LMBR1: variants seen among roughly 807,000 people sequenced by gnomAD.
The protein encoded by LMBR1 is limb development membrane protein 1.
Under a neutral mutation model 73.9 loss-of-function variants are expected in LMBR1, and 52 were observed. That is an observed-to-expected ratio of 0.70 (90% confidence interval 0.56 to 0.89). The LOEUF (loss-of-function observed/expected upper bound fraction) is 0.89. Among genes scored for constraint, LMBR1 ranks in the 40% least tolerant of loss-of-function variants. LMBR1 has a pLI of 0.00. For missense variants in LMBR1, 539 were observed against 579.8 expected (o/e 0.93, Z 0.72); for synonymous variants, 215 against 209.4 (o/e 1.03, Z -0.23).
intron 12 of LMBR1, 36 bp from the exon 13 acceptor site, chr7:156,725,873 G>A: frequency 1.3e-6 from 2 of 1,514,452 alleles, no homozygotes; most frequent in Non-Finnish European, 1.8e-6. Context: ...AGAATTTGAT[G>A]ACACCATTAT....
intron 5 of LMBR1, among the ~76,000 whole-genome samples, chr7:156,772,608 G>A (rs1825404900): frequency 6.6e-6 from 1 of 152,186 alleles, no homozygotes; most frequent in South Asian, 2.1e-4. Context: ...AACACTTTGG[G>A]AGGCCGAGCT....
chr7:156,728,013 A>G lies in LMBR1; in HGVS notation c.916-6T>C. The G allele has an allele frequency of 6.2e-7, 1 of 1,609,294 alleles. No homozygotes were observed. The highest frequency in any genetic ancestry group is 8.5e-7 in the Non-Finnish European group (1 of 1,176,572). On this transcript the variant is annotated splice_region_variant and splice_polypyrimidine_tract_variant and intron_variant, in intron 11 of 16. Transcript: ENST00000353442. ...ACCAAGAGGACCGAGATGGACTACAAGACAAACAGCAAACTGTCAGCTCTC... is the reference window on the plus strand; with the variant it reads ...ACCAAGAGGACCGAGATGGACTACAGGACAAACAGCAAACTGTCAGCTCTC...
intron 9 of LMBR1, among the ~76,000 whole-genome samples, chr7:156,755,075 G>C (rs1224876664): frequency 6.6e-6 from 1 of 152,156 alleles, no homozygotes; most frequent in Non-Finnish European, 1.5e-5. Context: ...ATTATACTTA[G>C]CATTAGTTAT....
intron 15 of LMBR1, among the ~76,000 whole-genome samples, chr7:156,690,928 T>C (rs984969632): frequency 1.3e-5 from 2 of 152,170 alleles, no homozygotes; most frequent in Admixed American, 6.5e-5. Flanking sequence ...ATAATTAGAT[T>C]ATAAAATGTA....
chr7:156,819,410 A>G (rs1834406852), intron 4 of LMBR1, among the ~76,000 whole-genome samples: 2 of 152,234 alleles, frequency 1.3e-5, no homozygotes, highest in African/African-American at 4.8e-5. Flanking sequence ...TAAGCCATTA[A>G]ATTTCCTTTC....
chr7:156,812,745 C>A (rs918329541), intron 4 of LMBR1, among the ~76,000 whole-genome samples: 2 of 152,188 alleles, frequency 1.3e-5, no homozygotes, highest in African/African-American at 4.8e-5. Context: ...AAAATGATAT[C>A]CCATTAATTC....
In LMBR1 at chr7:156,748,479, C is replaced by T. The variant is rs114119021; in HGVS notation, c.757+7914G>A. 2.0e-3 allele frequency among the ~76,000 whole-genome samples: 301 copies of T among 152,172 alleles called. 2 individuals carry two copies. Among genetic ancestry groups the T allele is most frequent in the African/African-American group, 6.9e-3 (285 of 41,514 alleles). ...GGTATATTAAATTCATCTTCTACTA[C>T]ACAAATTTGGATTTTTTTTTCTTTA... is the stretch of plus-strand genomic sequence containing the variant. On this transcript the variant is annotated intron_variant, in intron 9 of 16. Coordinates refer to ENST00000353442, the MANE Select transcript of LMBR1 (RefSeq NM_022458.4).
At chr7:156,694,939 G>A (rs1807974720) in intron 15 of LMBR1, among the ~76,000 whole-genome samples, 1 of 152,156 alleles carries the variant, frequency 6.6e-6, no homozygotes, top group South Asian at 2.1e-4. Context: ...ACAAGAGAAA[G>A]TAAAAGACAT....
chr7:156,785,907 T>G (rs1333155939), intron 5 of LMBR1, among the ~76,000 whole-genome samples: 3 of 152,096 alleles, frequency 2.0e-5, no homozygotes, highest in African/African-American at 7.2e-5. Flanking sequence ...AAATCACCAA[T>G]CTACATGTCC....
chr7:156,876,039 A>G (rs1800119077), intron 1 of LMBR1, among the ~76,000 whole-genome samples: 1 of 152,188 alleles, frequency 6.6e-6, no homozygotes, highest in African/African-American at 2.4e-5. Flanking sequence ...TGCGGAATGG[A>G]TAAGAATTCA....
downstream of LMBR1, chr7:156,676,525 T>G (rs774885107): frequency 6.2e-7 from 1 of 1,614,144 alleles, no homozygotes; most frequent in South Asian, 1.1e-5. Context: ...ATGGCCCTCC[T>G]GTCCTGCTCA....
At chr7:156,745,962 G>A (rs1474679595) in intron 9 of LMBR1, among the ~76,000 whole-genome samples, 1 of 152,162 alleles carries the variant, frequency 6.6e-6, no homozygotes, top group Non-Finnish European at 1.5e-5. Context: ...CAGGTAATGT[G>A]ACACAAGCTA....
At chr7:156,786,790 G>A (rs746566941) in intron 5 of LMBR1, among the ~76,000 whole-genome samples, 1 of 152,136 alleles carries the variant, frequency 6.6e-6, no homozygotes, top group Non-Finnish European at 1.5e-5. Flanking sequence ...ACATGGTTAA[G>A]TAGGACCAAG....
At chr7:156,796,704 T>C (rs539076174) in intron 4 of LMBR1, among the ~76,000 whole-genome samples, 57 of 152,326 alleles carry the variant, frequency 3.7e-4, no homozygotes, top group African/African-American at 1.1e-3. Flanking sequence ...TAGAAACTAA[T>C]GTTTTTTTCC....
intron 1 of LMBR1, among the ~76,000 whole-genome samples, chr7:156,850,687 T>C (rs547133647): frequency 1.3e-5 from 2 of 152,024 alleles, no homozygotes; most frequent in African/African-American, 4.8e-5. Context: ...ATATTTTTGC[T>C]TGCAGCTGAA....
chr7:156,692,409 G>A (rs1208228197), intron 15 of LMBR1, among the ~76,000 whole-genome samples: 1 of 152,148 alleles, frequency 6.6e-6, no homozygotes. Context: ...TACTGTGCAA[G>A]TATATTTTCA....
chr7:156,699,218 T>C (rs1809054535), intron 15 of LMBR1, among the ~76,000 whole-genome samples: 2 of 152,128 alleles, frequency 1.3e-5, no homozygotes, highest in Non-Finnish European at 2.9e-5. Flanking sequence ...TATAGATCAA[T>C]GGAATAGAAC....
At chr7:156,816,303 T>C (rs1301193325) in intron 4 of LMBR1, among the ~76,000 whole-genome samples, 1 of 152,166 alleles carries the variant, frequency 6.6e-6, no homozygotes, top group Non-Finnish European at 1.5e-5. Flanking sequence ...CCTCTCAGGT[T>C]CAAGTGATTC....
At chr7:156,782,203 T>A (rs1333889701) in intron 5 of LMBR1, among the ~76,000 whole-genome samples, 1 of 152,202 alleles carries the variant, frequency 6.6e-6, no homozygotes, top group Admixed American at 6.5e-5. Flanking sequence ...TCACGTGTGG[T>A]TTACTCATTA....
Sources: gnomAD v4.1 joint callset for allele counts (sites outside exome capture counted in the v4.1 genomes callset) on GRCh38, gnomAD v4.1.1 for gene constraint, MANE v1.5 for transcripts, NCBI Gene and HGNC (gene_info 2026-07-23, HGNC 2026-07-21) for gene names.